The following AKAP19 variants were observed in gnomAD, a reference collection of about 807,000 sequenced individuals.
AKAP19 encodes A-kinase anchoring protein 19.
the AKAP19 span, among the ~76,000 whole-genome samples, chr2:190,145,763 C>A: frequency 1.3e-5 from 2 of 151,450 alleles, no homozygotes; most frequent in Non-Finnish European, 2.9e-5. Flanking sequence ...TTTCTCAGAA[C>A]GAATTTCTGT....
the AKAP19 span, among the ~76,000 whole-genome samples, chr2:190,085,871 G>C: frequency 6.6e-6 from 1 of 152,182 alleles, no homozygotes; most frequent in Non-Finnish European, 1.5e-5. Context: ...TGGAAATTAT[G>C]AGCACGAAGG....
At chr2:190,183,023 C>A in the AKAP19 span, among the ~76,000 whole-genome samples, 1 of 152,160 alleles carries the variant, frequency 6.6e-6, no homozygotes, top group African/African-American at 2.4e-5. Context: ...AGTTTATTCA[C>A]CAGACATTCA....
the AKAP19 span, among the ~76,000 whole-genome samples, chr2:190,185,043 C>T: frequency 6.6e-6 from 1 of 152,150 alleles, no homozygotes; most frequent in Non-Finnish European, 1.5e-5. Flanking sequence ...GGTCCTCTGA[C>T]CTAGAGTCCT....
At chr2:190,020,473 T>C in the AKAP19 span, among the ~76,000 whole-genome samples, 2 of 152,316 alleles carry the variant, frequency 1.3e-5, no homozygotes, top group East Asian at 3.9e-4. Context: ...AGGGTCCAGG[T>C]TTATTTTTTG....
At chr2:189,929,595 T>C in the AKAP19 span, among the ~76,000 whole-genome samples, 1 of 152,170 alleles carries the variant, frequency 6.6e-6, no homozygotes, top group Non-Finnish European at 1.5e-5. Flanking sequence ...ACATCTCAGT[T>C]TGCTTACAAG....
chr2:190,172,140 G>A, the AKAP19 span, among the ~76,000 whole-genome samples: 1 of 152,194 alleles, frequency 6.6e-6, no homozygotes, highest in Middle Eastern at 3.4e-3. Flanking sequence ...TGCCACGCCT[G>A]TTCTTTGGCA....
the AKAP19 span, among the ~76,000 whole-genome samples, chr2:190,191,687 G>T: frequency 1.3e-5 from 2 of 152,094 alleles, no homozygotes; most frequent in African/African-American, 4.8e-5. Context: ...TTCTTATCAT[G>T]GCTGTAATTT....
the AKAP19 span, among the ~76,000 whole-genome samples, chr2:189,890,056 G>A: frequency 2.0e-5 from 3 of 152,100 alleles, no homozygotes; most frequent in Non-Finnish European, 4.4e-5. Flanking sequence ...TCTCCTGTGG[G>A]CATTTAGTGC....
the AKAP19 span, among the ~76,000 whole-genome samples, chr2:189,972,321 G>T: frequency 4.6e-5 from 7 of 152,100 alleles, no homozygotes; most frequent in Non-Finnish European, 1.0e-4. Context: ...TGAGGGTTCT[G>T]TTCGGTTCCA....
the AKAP19 span, among the ~76,000 whole-genome samples, chr2:190,090,477 T>C: frequency 1.3e-5 from 2 of 152,222 alleles, no homozygotes; most frequent in Non-Finnish European, 2.9e-5. Flanking sequence ...ATTAGTGAGA[T>C]AGCTTCAAAG....
At chr2:189,991,884 G>A in the AKAP19 span, among the ~76,000 whole-genome samples, 1 of 152,088 alleles carries the variant, frequency 6.6e-6, no homozygotes, top group Admixed American at 6.6e-5. Context: ...TAAGGTAAGA[G>A]ATGAGGATCC....
the AKAP19 span, among the ~76,000 whole-genome samples, chr2:189,964,683 TA>T: frequency 4.2e-3 from 639 of 152,146 alleles, 9 homozygotes; most frequent in African/African-American, 0.015. Context: ...TGGCTTCCTT[TA>T]AAAAAAATAT....
chr2:189,892,922 A>G, the AKAP19 span, among the ~76,000 whole-genome samples: 6 of 152,170 alleles, frequency 3.9e-5, no homozygotes. Context: ...TCTTTCAGAG[A>G]TGCCCTGCCC....
At chr2:190,162,299 T>G in the AKAP19 span, among the ~76,000 whole-genome samples, 1 of 152,178 alleles carries the variant, frequency 6.6e-6, no homozygotes, top group Non-Finnish European at 1.5e-5. Flanking sequence ...TTTTATAACT[T>G]TCTGTTTAAG....
the AKAP19 span, among the ~76,000 whole-genome samples, chr2:189,952,774 C>T: frequency 3.9e-5 from 6 of 152,156 alleles, no homozygotes; most frequent in East Asian, 1.9e-4. Flanking sequence ...ATCACATCTT[C>T]GATAACTTTG....
chr2:189,951,502 T>C, the AKAP19 span, among the ~76,000 whole-genome samples: 1 of 152,088 alleles, frequency 6.6e-6, no homozygotes, highest in Non-Finnish European at 1.5e-5. Flanking sequence ...TGCGCCCAGC[T>C]GAATCTTCCT....
the AKAP19 span, among the ~76,000 whole-genome samples, chr2:190,156,991 C>A: frequency 2.6e-5 from 4 of 152,088 alleles, no homozygotes. Flanking sequence ...AGAGTGAGTG[C>A]CCCTCAGTAG....
the AKAP19 span, among the ~76,000 whole-genome samples, chr2:189,962,863 A>G: frequency 6.6e-6 from 1 of 151,996 alleles, no homozygotes; most frequent in Admixed American, 6.6e-5. Flanking sequence ...CCATTATAAT[A>G]CATATATATT....
chr2:190,179,834 A>T, the AKAP19 span, among the ~76,000 whole-genome samples: 1 of 152,250 alleles, frequency 6.6e-6, no homozygotes, highest in Non-Finnish European at 1.5e-5. This position sits in a 1 kb window ranked among gnomAD's most constrained non-coding sequence, Gnocchi z 6.0. Flanking sequence ...CCCTTCAAGC[A>T]TGAATTTCGC....
Sources: allele counts gnomAD v4.1 joint callset (sites outside exome capture counted in the v4.1 genomes callset), GRCh38; gene constraint gnomAD v4.1.1; non-coding constraint Gnocchi (gnomAD v3.1); transcripts MANE v1.5; gene names NCBI Gene and HGNC (gene_info 2026-07-23, HGNC 2026-07-21).